Variants in ME1 observed in about 807,000 individuals in gnomAD.
ME1 encodes the protein malic enzyme 1.
ME1 carries 74 observed loss-of-function variants against 66.4 expected under a neutral mutation model. The observed-to-expected ratio is 1.11, with a 90% CI of 0.92 to 1.35. The LOEUF (loss-of-function observed/expected upper bound fraction) is 1.35. ME1 is among the 40% of genes most tolerant of loss of function. The probability of loss-of-function intolerance (pLI) is 0.00; values close to 1 mark genes in which losing one functional copy is unlikely to be tolerated. For synonymous variants in ME1, 251 were observed against 235.6 expected, an observed-to-expected ratio of 1.07 and a Z score of -0.60; for missense variants, 750 against 694.1, an observed-to-expected ratio of 1.08 and a Z score of -0.90.
intron 12 of ME1, among the ~76,000 whole-genome samples, chr6:83,218,342 T>G (rs920131041): frequency 2.0e-5 from 3 of 152,130 alleles, no homozygotes; most frequent in Admixed American, 2.0e-4. Flanking sequence ...CCTCCCCTCT[T>G]CTTGGTGCAT....
chr6:83,430,181 T>TC (rs1239952329), intron 1 of ME1, among the ~76,000 whole-genome samples: 2 of 147,378 alleles, frequency 1.4e-5, no homozygotes, highest in African/African-American at 5.3e-5. Flanking sequence ...AAAGCCAAAT[T>TC]AAAAACAAAA....
chr6:83,225,205 C>CGAAAAAAAAAAA (rs1386353254), intron 11 of ME1, among the ~76,000 whole-genome samples: 1 of 40,498 alleles, frequency 2.5e-5, no homozygotes, highest in Non-Finnish European at 5.3e-5. Flanking sequence ...GACTCCATCT[C>CGAAAAAAAAAAA]AAAAAAAAAA....
intron 6 of ME1, among the ~76,000 whole-genome samples, chr6:83,279,387 T>A (rs1157793730): frequency 6.6e-6 from 1 of 152,128 alleles, no homozygotes; most frequent in Admixed American, 6.5e-5. Context: ...ATAAACAGAC[T>A]GGGAATTTGA....
intron 6 of ME1, among the ~76,000 whole-genome samples, chr6:83,309,910 T>C (rs1767899679): frequency 6.6e-6 from 1 of 152,072 alleles, no homozygotes; most frequent in South Asian, 2.1e-4. Context: ...AAATTCTGTA[T>C]GTTGGGCTTC....
intron 1 of ME1, among the ~76,000 whole-genome samples, chr6:83,409,788 C>T (rs1055927942): frequency 6.6e-5 from 10 of 152,186 alleles, no homozygotes; most frequent in African/African-American, 2.4e-4. Context: ...AGTGCTATCA[C>T]CACAGCTGGT....
intron 3 of ME1, among the ~76,000 whole-genome samples, chr6:83,376,522 C>T (rs1289066688): frequency 1.3e-5 from 2 of 150,672 alleles, no homozygotes; most frequent in African/African-American, 4.9e-5. Context: ...AAAAAGAGGC[C>T]GGGTGCAGTA....
chr6:83,220,907 T>C (rs774468494), intron 12 of ME1, among the ~76,000 whole-genome samples: 61 of 152,298 alleles, frequency 4.0e-4, no homozygotes, highest in Non-Finnish European at 7.2e-4. Flanking sequence ...ATGCCTATAA[T>C]CCCAGCACTT....
chr6:83,350,139 T>C (rs1197130006), intron 4 of ME1, among the ~76,000 whole-genome samples: 5 of 152,170 alleles, frequency 3.3e-5, no homozygotes, highest in African/African-American at 9.7e-5. Context: ...GTACAGACCA[T>C]ATAAGATACA....
intron 3 of ME1, among the ~76,000 whole-genome samples, chr6:83,394,262 A>C (rs1413704218): frequency 2.0e-5 from 3 of 152,124 alleles, no homozygotes; most frequent in Non-Finnish European, 4.4e-5. Context: ...TGATGGAACA[A>C]ATAAGACCTA....
chr6:83,254,832 C>T (rs1583342574), intron 6 of ME1, among the ~76,000 whole-genome samples: 1 of 152,080 alleles, frequency 6.6e-6, no homozygotes, highest in African/African-American at 2.4e-5. Context: ...TTAAGACCAC[C>T]TCCCTTGGCC....
chr6:83,375,701 G>C (rs1354407460), intron 3 of ME1, among the ~76,000 whole-genome samples: 1 of 152,106 alleles, frequency 6.6e-6, no homozygotes, highest in African/African-American at 2.4e-5. Context: ...TCCAGCTTTT[G>C]TGCATTCAGT....
intron 3 of ME1, among the ~76,000 whole-genome samples, chr6:83,365,617 T>C (rs2128546592): frequency 6.6e-6 from 1 of 152,326 alleles, no homozygotes; most frequent in East Asian, 1.9e-4. Flanking sequence ...CCCAGCACTT[T>C]AGGAGGGCAA....
At chr6:83,329,064 T>C (rs1334424823) in intron 5 of ME1, among the ~76,000 whole-genome samples, 3 of 152,178 alleles carry the variant, frequency 2.0e-5, no homozygotes, top group Non-Finnish European at 4.4e-5. Flanking sequence ...CACCTTGTTT[T>C]TGTCTCCCAC....
intron 4 of ME1, among the ~76,000 whole-genome samples, chr6:83,351,695 G>T (rs1285706008): frequency 1.3e-5 from 2 of 152,148 alleles, no homozygotes; most frequent in Admixed American, 6.5e-5. Context: ...AATGATAAAA[G>T]AAATGAATTA....
chr6:83,417,522 A>T (rs1211723706), intron 1 of ME1, among the ~76,000 whole-genome samples: 3 of 152,094 alleles, frequency 2.0e-5, no homozygotes, highest in Non-Finnish European at 2.9e-5. Context: ...GTGGGACTAC[A>T]GGCGCGTGCC....
At chr6:83,246,083 A>G (rs1368044022) in intron 7 of ME1, among the ~76,000 whole-genome samples, 1 of 152,190 alleles carries the variant, frequency 6.6e-6, no homozygotes, top group African/African-American at 2.4e-5. Flanking sequence ...AAGTGGTGAC[A>G]TAATGAAGAA....
chr6:83,213,563 C>A (rs759463352), intron 13 of ME1, among the ~76,000 whole-genome samples: 7 of 152,128 alleles, frequency 4.6e-5, no homozygotes, highest in Non-Finnish European at 8.8e-5. Flanking sequence ...GAAGGGGTTT[C>A]GCCATGTTGG....
chr6:83,315,376 T>C lies in ME1; in HGVS notation c.638A>G (p.Gln213Arg), dbSNP rs1220514189. 4 of 1,612,106 alleles carry C rather than the reference T, an allele frequency of 2.5e-6. No homozygotes were observed. Among genetic ancestry groups the C allele is most frequent in the South Asian group, 1.1e-5 (1 of 90,630 alleles). ...LKDPLYIGLR[Q>R]RRVRGSEYDD... Reference sequence around the variant, plus strand: ...ATATTCAGAACCTCTTACTCTTCTCTGCCGTAGTCCAATGTAGAGTGGATC... The same window carrying C: ...ATATTCAGAACCTCTTACTCTTCTCCGCCGTAGTCCAATGTAGAGTGGATC... Residue 213 changes from glutamine to arginine, a missense_variant, in exon 6 of 14, where the codon CAG becomes CGG. Gln to Arg is a conservative substitution (Grantham distance 43). Transcript: ENST00000369705.
intron 13 of ME1, among the ~76,000 whole-genome samples, chr6:83,215,508 G>C (rs1007002737): frequency 2.6e-5 from 4 of 152,220 alleles, no homozygotes; most frequent in African/African-American, 7.2e-5. Flanking sequence ...CAGTGTTGAA[G>C]CCCTAACCAC....
Sources: gnomAD v4.1 joint callset for allele counts (sites outside exome capture counted in the v4.1 genomes callset) on GRCh38, gnomAD v4.1.1 for gene constraint, MANE v1.5 for transcripts, NCBI Gene and HGNC (gene_info 2026-07-23, HGNC 2026-07-21) for gene names.